The following KRIT1 variants were observed in gnomAD, a reference collection of about 807,000 sequenced individuals.
KRIT1 encodes the protein krev interaction trapped protein 1.
A neutral mutation model predicts 95.8 loss-of-function variants in KRIT1; 45 were observed. That is an observed-to-expected ratio of 0.47 (90% confidence interval 0.37 to 0.60). KRIT1 has a LOEUF of 0.60. Among genes scored for constraint, KRIT1 ranks in the 20% least tolerant of loss-of-function variants. The pLI is 0.00. For missense variants in KRIT1, 788 were observed against 877.5 expected (o/e 0.90, Z 1.29); for synonymous variants, 282 against 278.8 (o/e 1.01, Z -0.11).
At chr7:92,209,032 A>T (rs959491414) in intron 17 of KRIT1, among the ~76,000 whole-genome samples, 10 of 152,224 alleles carry the variant, frequency 6.6e-5, no homozygotes, top group Non-Finnish European at 1.0e-4. Context: ...GGTGAGGATG[A>T]TTCAACATAT....
intron 13 of KRIT1, among the ~76,000 whole-genome samples, chr7:92,222,429 A>C (rs1218107525): frequency 6.6e-6 from 1 of 152,176 alleles, no homozygotes; most frequent in Non-Finnish European, 1.5e-5. Flanking sequence ...ACAAATATAT[A>C]GTCATTAGGT....
At chr7:92,217,824 G>T (rs1052558736) in intron 14 of KRIT1, among the ~76,000 whole-genome samples, 1 of 152,010 alleles carries the variant, frequency 6.6e-6, no homozygotes, top group Non-Finnish European at 1.5e-5. Context: ...TTAGATTTTT[G>T]AAGAACCACT....
chr7:92,241,385 A>G (rs533968327), intron 4 of KRIT1, among the ~76,000 whole-genome samples: 5 of 152,344 alleles, frequency 3.3e-5, no homozygotes, highest in African/African-American at 1.2e-4. Context: ...ATGGTAAGCC[A>G]CAGCACTGCT....
At position 92,236,386 on chromosome 7, in the gene KRIT1, A is replaced by G. The variant is rs571815444; in HGVS notation, c.485+27T>C. The G allele has an allele frequency of 5.3e-5, 81 of 1,518,342 alleles. No homozygotes were observed. The South Asian group carries it at 9.0e-4, about 17-fold the overall frequency. 94.1% of individuals were successfully genotyped at this position (1,518,342 alleles called of 1,614,324 possible). On this transcript the variant is annotated intron_variant, in intron 7 of 18. Coordinates refer to ENST00000394505, the MANE Select transcript of KRIT1 (RefSeq NM_194454.3). The stretch of plus-strand genomic sequence containing the variant: ...CTATAAACATGTATTTGATTAATTA[A>G]AAGATACTTCTAACGGCATTTCTTA...
chr7:92,227,325 G>A (rs1478549884), intron 10 of KRIT1, among the ~76,000 whole-genome samples: 3 of 152,172 alleles, frequency 2.0e-5, no homozygotes, highest in Non-Finnish European at 4.4e-5. Context: ...AGCACTTTGG[G>A]AGGCAGAGGC....
chr7:92,230,049 A>G (rs1796963542), intron 10 of KRIT1, among the ~76,000 whole-genome samples: 1 of 152,236 alleles, frequency 6.6e-6, no homozygotes, highest in South Asian at 2.1e-4. Flanking sequence ...AAGGGAAAAG[A>G]TAGTGAGGTA....
intron 5 of KRIT1, among the ~76,000 whole-genome samples, chr7:92,239,649 G>C (rs1183051302): frequency 6.6e-6 from 1 of 151,092 alleles, no homozygotes; most frequent in African/African-American, 2.4e-5. Context: ...CTGGTAATTA[G>C]AGAAAAGGGA....
At chr7:92,210,241 G>A (rs906551869) in intron 17 of KRIT1, among the ~76,000 whole-genome samples, 4 of 151,876 alleles carry the variant, frequency 2.6e-5, no homozygotes, top group Admixed American at 1.3e-4. Flanking sequence ...AACCAATAGT[G>A]AGAAAAAAAG....
intron 16 of KRIT1, 55 bp downstream of exon 16, chr7:92,213,837 A>G: frequency 9.8e-7 from 1 of 1,016,350 alleles, no homozygotes; most frequent in Non-Finnish European, 1.6e-6. Flanking sequence ...TTATAACACT[A>G]ACAAAGTTTC....
rs562500587 is a variant in KRIT1 at position 92,224,360 on chromosome 7, G to A, written c.1254+1360C>T. 3.7e-4 allele frequency among the ~76,000 whole-genome samples: 57 copies of A among 152,290 alleles called. No individual in the cohort carries two copies. The South Asian group carries it at 0.012, about 32-fold the overall frequency. ...GTCTGTAGTCCCAGCTACTCAAGAG[G>A]CTGAGGTGGGAGGACGGCCTAAGCC... On this transcript the variant is annotated intron_variant, in intron 12 of 18. Coordinates refer to ENST00000394505, the MANE Select transcript of KRIT1 (RefSeq NM_194454.3).
At chr7:92,212,412 T>G (rs1311799583) in intron 17 of KRIT1, among the ~76,000 whole-genome samples, 1 of 152,154 alleles carries the variant, frequency 6.6e-6, no homozygotes, top group Admixed American at 6.5e-5. Flanking sequence ...CTCCCAAAAT[T>G]GGTATGTTGA....
intron 12 of KRIT1, among the ~76,000 whole-genome samples, chr7:92,224,301 T>C (rs1277219291): frequency 6.6e-6 from 1 of 152,148 alleles, no homozygotes; most frequent in African/African-American, 2.4e-5. Context: ...TTTCAAACAG[T>C]TTTTAAACTA....
At chr7:92,224,062 GAGTA>G (rs1282673543) in intron 12 of KRIT1, among the ~76,000 whole-genome samples, 3 of 152,126 alleles carry the variant, frequency 2.0e-5, no homozygotes, top group Admixed American at 6.6e-5. Flanking sequence ...TATGCTCTTG[GAGTA>G]AGTGTTTTGA....
In KRIT1 at chr7:92,214,787, A is replaced by G. The variant is rs1244076275; in HGVS notation, c.1564-10T>C. On this transcript the variant is annotated splice_polypyrimidine_tract_variant and intron_variant, in intron 14 of 18. Transcript: ENST00000394505. ...CTAGTGGGTCTTCAATCTTAAAGGA[A>G]AAAGTATAATTTGGTTATTAGGCTA... is the stretch of plus-strand genomic sequence containing the variant. 3.8e-6 allele frequency: 6 copies of G among 1,572,922 alleles called. No homozygotes were observed. The highest frequency in any genetic ancestry group is 5.2e-6 in the Non-Finnish European group (6 of 1,143,250).
At position 92,205,658 on chromosome 7, in the gene KRIT1, C is replaced by T. The variant is rs1395144842; in HGVS notation, c.2026-4235G>A. On this transcript the variant is annotated intron_variant, in intron 17 of 18. Coordinates refer to ENST00000394505, the MANE Select transcript of KRIT1 (RefSeq NM_194454.3). ...GGCTAAAGCGGGAGGACTGCTTGAA[C>T]CTAGGAGGCAGAGGTTGTAGTGAGC... 3.3e-5 allele frequency: 5 copies of T among 151,914 alleles called. No individual in the cohort carries two copies. In the East Asian group the frequency reaches 9.7e-4, roughly 29 times the overall value. The allele number at this position is 151,914 out of a possible 1,614,324, so 9.4% of individuals were successfully genotyped here. A position where few individuals can be genotyped will look rare whatever the true frequency, so the allele number is the denominator to read the frequency against.
chr7:92,219,520 T>C (rs985739240), intron 14 of KRIT1, among the ~76,000 whole-genome samples: 3 of 152,234 alleles, frequency 2.0e-5, no homozygotes, highest in Admixed American at 6.5e-5. Flanking sequence ...TATGCTAGAG[T>C]ACCACAATGC....
intron 17 of KRIT1, 139 bp downstream of exon 17, chr7:92,213,056 G>A: frequency 1.6e-6 from 1 of 628,824 alleles, no homozygotes; most frequent in Non-Finnish European, 2.8e-6. Flanking sequence ...GTGATTTAGT[G>A]TCCCCCTTCC....
At chr7:92,214,800 G>C in intron 14 of KRIT1, 23 bp from the exon 15 acceptor site, 1 of 1,510,568 alleles carries the variant, frequency 6.6e-7, no homozygotes, top group Non-Finnish European at 9.2e-7. Context: ...AGTATAATTT[G>C]GTTATTAGGC....
chr7:92,212,295 C>A (rs1584787491), intron 17 of KRIT1, among the ~76,000 whole-genome samples: 2 of 151,802 alleles, frequency 1.3e-5, no homozygotes, highest in Non-Finnish European at 2.9e-5. Flanking sequence ...TTTTTTTCAT[C>A]TTTTTCAATT....
Sources: gnomAD v4.1 joint callset for allele counts (sites outside exome capture counted in the v4.1 genomes callset) on GRCh38, gnomAD v4.1.1 for gene constraint, MANE v1.5 for transcripts, NCBI Gene and HGNC (gene_info 2026-07-23, HGNC 2026-07-21) for gene names.